Variants in STAU2 observed in about 807,000 individuals in gnomAD.
The protein encoded by STAU2 is staufen double-stranded RNA binding protein 2, also known as double-stranded RNA-binding protein Staufen homolog 2.
Under a neutral mutation model 65.9 loss-of-function variants are expected in STAU2, and 20 were observed. That is an observed-to-expected ratio of 0.30 (90% CI 0.21 to 0.44). The LOEUF is 0.44. Among genes scored for constraint, STAU2 ranks in the 20% least tolerant of loss-of-function variants. The pLI, the probability that STAU2 is intolerant of heterozygous loss-of-function variation, is 1.00. For synonymous variants in STAU2, 232 were observed against 233.9 expected (o/e 0.99, Z 0.07); for missense variants, 558 against 683.9 (o/e 0.82, Z 2.05).
At chr8:73,626,074 T>TACACACACAC (rs57076627) in intron 6 of STAU2, among the ~76,000 whole-genome samples, 103 of 146,062 alleles carry the variant, frequency 7.1e-4, no homozygotes, top group African/African-American at 2.1e-3. Context: ...TAAGTACACA[T>TACACACACAC]ACACACACAC....
chr8:73,599,215 C>T (rs1811440140), intron 10 of STAU2, among the ~76,000 whole-genome samples: 1 of 152,102 alleles, frequency 6.6e-6, no homozygotes, highest in African/African-American at 2.4e-5. Context: ...GTGTGGGACA[C>T]TTATTTGTCT....
At chr8:73,670,967 A>C (rs1007301490) in intron 6 of STAU2, among the ~76,000 whole-genome samples, 1 of 152,188 alleles carries the variant, frequency 6.6e-6, no homozygotes, top group South Asian at 2.1e-4. Flanking sequence ...AAATTACAAC[A>C]AACAAAATAG....
intron 13 of STAU2, among the ~76,000 whole-genome samples, chr8:73,537,419 C>T (rs1229207781): frequency 6.6e-6 from 1 of 152,116 alleles, no homozygotes; most frequent in Non-Finnish European, 1.5e-5. Flanking sequence ...ACAAACAAAT[C>T]AACAGACAAT....
At chr8:73,646,712 T>C (rs1467614443) in intron 6 of STAU2, among the ~76,000 whole-genome samples, 7 of 151,954 alleles carry the variant, frequency 4.6e-5, no homozygotes, top group Non-Finnish European at 1.0e-4. Flanking sequence ...AAAAAACTGA[T>C]AAACTGGACT....
chr8:73,611,602 A>T (rs1386480767), intron 9 of STAU2, among the ~76,000 whole-genome samples: 2 of 151,758 alleles, frequency 1.3e-5, no homozygotes, highest in Non-Finnish European at 2.9e-5. Context: ...CAAGAGTTAG[A>T]TTTATATCCT....
At chr8:73,523,714 T>C (rs571803260) in intron 13 of STAU2, among the ~76,000 whole-genome samples, 30 of 152,214 alleles carry the variant, frequency 2.0e-4, no homozygotes, top group African/African-American at 6.3e-4. Context: ...TCACCAACCA[T>C]CATGTAACTG....
chr8:73,518,915 G>A (rs888384739), intron 13 of STAU2, among the ~76,000 whole-genome samples: 28 of 151,870 alleles, frequency 1.8e-4, no homozygotes, highest in Non-Finnish European at 3.7e-4. Context: ...AGTTTCGGAG[G>A]GAGGACCATT....
At chr8:73,651,157 G>C in intron 6 of STAU2, 2 of 1,231,904 alleles carry the variant, frequency 1.6e-6, no homozygotes, top group Non-Finnish European at 2.3e-6. Context: ...CCCTGGCCCG[G>C]ACCAGGCATC....
chr8:73,687,394 AATAT>A (rs1491497405), intron 5 of STAU2, among the ~76,000 whole-genome samples: 1 of 127,080 alleles, frequency 7.9e-6, no homozygotes, highest in Admixed American at 8.9e-5. Flanking sequence ...TTATAAAAAT[AATAT>A]ATTTATATTT....
At chr8:73,455,393 A>C (rs1819008244) in intron 13 of STAU2, among the ~76,000 whole-genome samples, 1 of 152,148 alleles carries the variant, frequency 6.6e-6, no homozygotes, top group Non-Finnish European at 1.5e-5. Flanking sequence ...GGGAGCCAGG[A>C]GTACAGGTTG....
At chr8:73,587,549 C>T (rs530506850) in intron 11 of STAU2, among the ~76,000 whole-genome samples, 28 of 151,982 alleles carry the variant, frequency 1.8e-4, no homozygotes, top group South Asian at 4.1e-4. Context: ...GGGAAAGGAA[C>T]GAAAAAAACT....
chr8:73,660,363 A>C (rs1004738438), intron 6 of STAU2, among the ~76,000 whole-genome samples: 2 of 152,134 alleles, frequency 1.3e-5, no homozygotes, highest in African/African-American at 4.8e-5. Context: ...CCGAAGGCGA[A>C]GGCTGCAGTG....
intron 14 of STAU2, 107 bp from the exon 15 acceptor site, chr8:73,421,572 C>T (rs1816378811): frequency 1.0e-6 from 1 of 1,000,922 alleles, no homozygotes; most frequent in Non-Finnish European, 1.5e-6. Context: ...ACAAAAGTGA[C>T]ATTTTAAAGT....
intron 9 of STAU2, among the ~76,000 whole-genome samples, chr8:73,606,418 A>C (rs980076791): frequency 6.6e-5 from 10 of 152,118 alleles, no homozygotes; most frequent in African/African-American, 2.4e-4. Flanking sequence ...AGCAATTAAA[A>C]TTTGTTAAGC....
intron 13 of STAU2, among the ~76,000 whole-genome samples, chr8:73,526,685 A>T (rs1805479286): frequency 6.6e-6 from 1 of 152,126 alleles, no homozygotes; most frequent in Non-Finnish European, 1.5e-5. Context: ...ACTTACTCTG[A>T]CTCCAAGCCA....
At chr8:73,718,391 T>C (rs1172198947) in intron 3 of STAU2, among the ~76,000 whole-genome samples, 1 of 152,180 alleles carries the variant, frequency 6.6e-6, no homozygotes, top group Admixed American at 6.5e-5. Flanking sequence ...ATAACCATCT[T>C]TGTAAACATC....
At chr8:73,499,339 T>C (rs1306855716) in intron 13 of STAU2, among the ~76,000 whole-genome samples, 2 of 151,842 alleles carry the variant, frequency 1.3e-5, no homozygotes, top group East Asian at 1.9e-4. Context: ...ATGTGGCTAG[T>C]AGTGCAATAC....
At chr8:73,747,032 C>T, upstream of STAU2, 1 of 217,100 alleles carries the variant, frequency 4.6e-6, no homozygotes, top group Non-Finnish European at 7.9e-6. Context: ...TCTACCTCCA[C>T]TCCGCCTCCC....
chr8:73,587,964 A>G (rs1488255801), intron 11 of STAU2, among the ~76,000 whole-genome samples: 2 of 152,186 alleles, frequency 1.3e-5, no homozygotes, highest in Non-Finnish European at 2.9e-5. Flanking sequence ...TATAATGATC[A>G]AATACAAAAA....
Sources: allele counts gnomAD v4.1 joint callset (sites outside exome capture counted in the v4.1 genomes callset), GRCh38; gene constraint gnomAD v4.1.1; transcripts MANE v1.5; gene names NCBI Gene and HGNC (gene_info 2026-07-23, HGNC 2026-07-21).